MAGI1: variants seen among roughly 807,000 people sequenced by gnomAD.
MAGI1 encodes the protein membrane associated guanylate kinase, WW and PDZ domain containing 1, also known as membrane-associated guanylate kinase, WW and PDZ domain-containing protein 1.
In MAGI1, 58 loss-of-function variants were observed where a neutral mutation model predicts 139.9. The ratio of observed to expected loss-of-function variants is 0.41; its 90% CI spans 0.34 to 0.52. The LOEUF (loss-of-function observed/expected upper bound fraction) is 0.52, where lower values mean the gene tolerates loss of function less well. Among genes scored for constraint, MAGI1 ranks in the 20% least tolerant of loss-of-function variants. MAGI1 has a pLI of 0.12. For synonymous variants in MAGI1, 812 were observed against 737.9 expected, an observed-to-expected ratio of 1.10 and a Z score of -1.63; for missense variants, 1,874 against 1,901.6, an observed-to-expected ratio of 0.99 and a Z score of 0.27.
At chr3:65,930,998 C>T (rs575099444) in intron 1 of MAGI1, among the ~76,000 whole-genome samples, 1 of 152,148 alleles carries the variant, frequency 6.6e-6, no homozygotes, top group African/African-American at 2.4e-5. Flanking sequence ...TGCTTCTGCT[C>T]TGCCTACGAA....
intron 21 of MAGI1, 31 bp downstream of exon 21, chr3:65,363,434 G>A: frequency 6.4e-7 from 1 of 1,572,406 alleles, no homozygotes; most frequent in Non-Finnish European, 8.6e-7. Context: ...TGGTTTCTTT[G>A]CACCTACCCC....
At chr3:65,916,170 G>A (rs962031396) in intron 1 of MAGI1, among the ~76,000 whole-genome samples, 4 of 151,852 alleles carry the variant, frequency 2.6e-5, no homozygotes, top group East Asian at 1.9e-4. Flanking sequence ...GGGTTGACGC[G>A]ATTCTCATGC....
At chr3:65,720,281 G>C (rs1454607461) in intron 1 of MAGI1, 1 of 152,162 alleles carries the variant, frequency 6.6e-6, no homozygotes, top group Non-Finnish European at 1.5e-5. Flanking sequence ...AGTAGGAAGA[G>C]GGGTCCTGTG....
chr3:65,659,996 ACATAGAAAGCACTCAAC>A (rs2086104788), intron 1 of MAGI1, among the ~76,000 whole-genome samples: 1 of 152,256 alleles, frequency 6.6e-6, no homozygotes, highest in South Asian at 2.1e-4. Context: ...CAAGTTGGCC[ACATAGAAAGCACTCAAC>A]CATTTAATCT....
chr3:65,361,902 A>G (rs1373595274), intron 21 of MAGI1, among the ~76,000 whole-genome samples: 2 of 152,224 alleles, frequency 1.3e-5, no homozygotes, highest in African/African-American at 4.8e-5. Flanking sequence ...GTGAGCTTAA[A>G]AAGCAAACCC....
chr3:65,454,512 C>G (rs1045252268), intron 5 of MAGI1, among the ~76,000 whole-genome samples: 5 of 107,338 alleles, frequency 4.7e-5, no homozygotes, highest in South Asian at 3.7e-4. Context: ...GCACATGTAC[C>G]CTAAAACTGA....
intron 1 of MAGI1, among the ~76,000 whole-genome samples, chr3:65,649,085 C>T (rs1422198874): frequency 6.6e-6 from 1 of 152,040 alleles, no homozygotes; most frequent in African/African-American, 2.4e-5. Context: ...AAATATAAAA[C>T]TATAAAGTGT....
intron 1 of MAGI1, among the ~76,000 whole-genome samples, chr3:65,922,985 TAAGAG>T (rs1399592985): frequency 1.3e-5 from 2 of 152,148 alleles, no homozygotes; most frequent in Non-Finnish European, 2.9e-5. Context: ...ATGCTGAACA[TAAGAG>T]ATTCAAAACA....
At chr3:65,604,277 A>G (rs1056355382) in intron 2 of MAGI1, among the ~76,000 whole-genome samples, 1 of 152,142 alleles carries the variant, frequency 6.6e-6, no homozygotes, top group African/African-American at 2.4e-5. Flanking sequence ...CACTCTTCCA[A>G]TGATAACATT....
intron 2 of MAGI1, among the ~76,000 whole-genome samples, chr3:65,529,644 T>A (rs1410043429): frequency 6.6e-6 from 1 of 152,246 alleles, no homozygotes; most frequent in East Asian, 1.9e-4. Context: ...AACTTTTGGC[T>A]ACTGTGAATT....
intron 1 of MAGI1, among the ~76,000 whole-genome samples, chr3:65,625,978 T>C (rs1287200767): frequency 6.6e-6 from 1 of 152,208 alleles, no homozygotes; most frequent in Non-Finnish European, 1.5e-5. Flanking sequence ...GTCACTGATA[T>C]GTGATCTCTC....
intron 1 of MAGI1, among the ~76,000 whole-genome samples, chr3:65,755,127 T>A (rs532099069): frequency 3.9e-5 from 6 of 152,090 alleles, no homozygotes; most frequent in African/African-American, 1.4e-4. Context: ...TTTGTACTTT[T>A]AGTAGAGATA....
At chr3:65,955,551 A>T (rs920539575) in intron 1 of MAGI1, among the ~76,000 whole-genome samples, 1 of 152,042 alleles carries the variant, frequency 6.6e-6, no homozygotes, top group Non-Finnish European at 1.5e-5. Flanking sequence ...GAGTCTATCT[A>T]TTCTAAGGCT....
chr3:66,013,304 G>T (rs2067431412), intron 1 of MAGI1, among the ~76,000 whole-genome samples: 1 of 151,396 alleles, frequency 6.6e-6, no homozygotes, highest in African/African-American at 2.4e-5. Flanking sequence ...TTAGGAGGCT[G>T]AGGCAGGAGA....
intron 1 of MAGI1, among the ~76,000 whole-genome samples, chr3:65,984,339 G>A (rs6803223): frequency 0.71 from 108,463 of 151,910 alleles, 40,472 homozygotes; most frequent in East Asian, 0.96. Flanking sequence ...CTGGTGGTTA[G>A]TAGAAAGATG....
chr3:65,888,376 A>T (rs961181848), intron 1 of MAGI1, among the ~76,000 whole-genome samples: 1 of 152,198 alleles, frequency 6.6e-6, no homozygotes, highest in Non-Finnish European at 1.5e-5. Context: ...CTGAGCAGGG[A>T]ATTAGTATAT....
At chr3:66,019,999 G>C (rs556704261) in intron 1 of MAGI1, among the ~76,000 whole-genome samples, 3 of 152,284 alleles carry the variant, frequency 2.0e-5, no homozygotes, top group African/African-American at 7.2e-5. Flanking sequence ...CTGCAAGTGG[G>C]CACCAATTTG....
intron 2 of MAGI1, among the ~76,000 whole-genome samples, chr3:65,577,427 T>A (rs759592646): frequency 6.6e-6 from 1 of 152,116 alleles, no homozygotes; most frequent in South Asian, 2.1e-4. Flanking sequence ...ACGGCTCCTA[T>A]CTTCACTTAA....
intron 1 of MAGI1, among the ~76,000 whole-genome samples, chr3:65,731,866 C>G (rs1472409323): frequency 2.0e-5 from 3 of 152,012 alleles, no homozygotes; most frequent in African/African-American, 7.2e-5. Flanking sequence ...GGTGTAATCT[C>G]CATTCTTGCT....
Sources: allele counts gnomAD v4.1 joint callset (sites outside exome capture counted in the v4.1 genomes callset), GRCh38; gene constraint gnomAD v4.1.1; transcripts MANE v1.5; gene names NCBI Gene and HGNC (gene_info 2026-07-23, HGNC 2026-07-21).